The following PTPRE variants were observed in gnomAD, a reference collection of about 807,000 sequenced individuals.
PTPRE encodes protein tyrosine phosphatase receptor type E.
Under a neutral mutation model 102.0 loss-of-function variants are expected in PTPRE, and 51 were observed. That is an observed-to-expected ratio of 0.50 (90% CI 0.40 to 0.63). The LOEUF (loss-of-function observed/expected upper bound fraction) is 0.63. Ranked by LOEUF, PTPRE falls within the 30% of genes least tolerant of loss-of-function variation. The pLI is 0.00. For missense variants in PTPRE, 752 were observed against 915.1 expected (o/e 0.82, Z 2.30); for synonymous variants, 345 against 348.2 (o/e 0.99, Z 0.10).
intron 3 of PTPRE, among the ~76,000 whole-genome samples, chr10:128,043,436 G>A (rs1847870366): frequency 6.6e-6 from 1 of 152,194 alleles, no homozygotes; most frequent in Non-Finnish European, 1.5e-5. Context: ...TGATCTGACG[G>A]GGGGCGGCGC....
chr10:128,041,853 C>T (rs1360387049), intron 3 of PTPRE, among the ~76,000 whole-genome samples: 2 of 151,990 alleles, frequency 1.3e-5, no homozygotes, highest in East Asian at 3.9e-4. Flanking sequence ...AAAGTCACAT[C>T]AAGAGCCCCA....
intron 1 of PTPRE, among the ~76,000 whole-genome samples, chr10:127,923,398 A>ATTT (rs35994733): frequency 2.5e-3 from 266 of 106,800 alleles, no homozygotes; most frequent in East Asian, 8.6e-3. Context: ...ACCAGTTTGA[A>ATTT]TTTTTTTTTT....
At chr10:127,912,397 C>T (rs1845924901) in intron 1 of PTPRE, among the ~76,000 whole-genome samples, 1 of 152,042 alleles carries the variant, frequency 6.6e-6, no homozygotes. Flanking sequence ...AAATATCTTT[C>T]AAATGCAATC....
chr10:128,000,766 C>T (rs1853796650), intron 2 of PTPRE, among the ~76,000 whole-genome samples: 1 of 152,202 alleles, frequency 6.6e-6, no homozygotes. Context: ...GTGAAGGAGG[C>T]CCTACAAGCT....
rs1183228997 is a variant in PTPRE, at chr10:128,008,162, G to A, written c.-8+25866G>A. On this transcript the variant is annotated intron_variant, in intron 2 of 20. Transcript: ENST00000254667. The surrounding 1 kb of genome is among the most constrained non-coding windows in gnomAD (Gnocchi z 4.0). Reference sequence around the variant, plus strand: ...CAGGGTACATGCCCCTGGGAAAACTGCCCAAGGGAAACAGTGCATCCACCA... The same window carrying A: ...CAGGGTACATGCCCCTGGGAAAACTACCCAAGGGAAACAGTGCATCCACCA... Among the ~76,000 whole-genome samples, 3 of 152,250 alleles carry A rather than the reference G, an allele frequency of 2.0e-5. No homozygotes were observed. The highest frequency in any genetic ancestry group is 6.5e-5 in the Admixed American group (1 of 15,296).
At chr10:127,992,754 G>C (rs1265308219) in intron 2 of PTPRE, among the ~76,000 whole-genome samples, 1 of 152,192 alleles carries the variant, frequency 6.6e-6, no homozygotes, top group Non-Finnish European at 1.5e-5. Context: ...TACCTGGTTA[G>C]AATCCAAGTC....
intron 2 of PTPRE, among the ~76,000 whole-genome samples, chr10:128,027,923 C>G (rs1277138334): frequency 1.3e-5 from 2 of 152,166 alleles, no homozygotes; most frequent in Admixed American, 6.5e-5. Context: ...TACTCAGGAG[C>G]CTGTATTTTG....
chr10:127,959,175 C>T (rs1849619045), intron 1 of PTPRE, among the ~76,000 whole-genome samples: 1 of 152,240 alleles, frequency 6.6e-6, no homozygotes, highest in Non-Finnish European at 1.5e-5. Context: ...GGATTATAGG[C>T]ATGAGCCACC....
Position 127,934,693 on chromosome 10 carries a change from T to C in PTPRE, c.-31+27384T>C, listed in dbSNP as rs577065836. 4 of 152,620 alleles carry C rather than the reference T, an allele frequency of 2.6e-5. No individual in the cohort carries two copies. The East Asian group carries it at 7.7e-4, about 30-fold the overall frequency. The allele number at this position is 152,620 out of a possible 1,614,324, so 9.5% of individuals were successfully genotyped here. ...CCCCACTGGCCTGCTCTGCTGAGGT[T>C]GTGGAGCACCGGGAAGCAGGGGCCG... On this transcript the variant is annotated intron_variant, in intron 1 of 20. Transcript: ENST00000254667.
intron 2 of PTPRE, chr10:127,998,187 T>C (rs2135540319): frequency 1.3e-5 from 2 of 152,358 alleles, no homozygotes. Context: ...TTTTCAATGA[T>C]TGTTTCAGAA....
intron 2 of PTPRE, among the ~76,000 whole-genome samples, chr10:128,010,807 G>C (rs1160271845): frequency 6.6e-6 from 1 of 152,086 alleles, no homozygotes; most frequent in East Asian, 1.9e-4. Flanking sequence ...TAGCCAGGAT[G>C]GTCTTGATCT....
chr10:127,916,561 G>A (rs1846222902), intron 1 of PTPRE, among the ~76,000 whole-genome samples: 1 of 152,156 alleles, frequency 6.6e-6, no homozygotes, highest in Non-Finnish European at 1.5e-5. Context: ...TGGTTTACTG[G>A]GCCATTTCCT....
intron 2 of PTPRE, among the ~76,000 whole-genome samples, chr10:128,009,904 G>A (rs1432771673): frequency 1.3e-5 from 2 of 152,178 alleles, no homozygotes; most frequent in Non-Finnish European, 2.9e-5. Flanking sequence ...GGGGACATAT[G>A]AGTCACCGTC....
In PTPRE at chr10:128,008,333, C is replaced by T. The variant is rs968814301; in HGVS notation, c.-8+26037C>T. The stretch of plus-strand genomic sequence containing the variant: ...ATTCACACTGCACCTCTGGCCTCCT[C>T]CTGGAGCTTCTGGAAGGTGAGATAA... On this transcript the variant is annotated intron_variant, in intron 2 of 20. Coordinates refer to ENST00000254667, the MANE Select transcript of PTPRE (RefSeq NM_006504.6). The surrounding 1 kb of genome is among the most constrained non-coding windows in gnomAD (Gnocchi z 4.0). Among the ~76,000 whole-genome samples, 29 of 151,622 alleles carry T rather than the reference C, an allele frequency of 1.9e-4. No homozygotes were observed. The highest frequency in any genetic ancestry group is 6.8e-4 in the African/African-American group (28 of 41,416).
At chr10:127,960,945 C>T (rs536379587) in intron 1 of PTPRE, among the ~76,000 whole-genome samples, 5 of 150,858 alleles carry the variant, frequency 3.3e-5, no homozygotes, top group East Asian at 2.0e-4. Context: ...GGCGTGAACC[C>T]GGGAGGCAGA....
chr10:128,074,779 T>C (rs1851087448), intron 17 of PTPRE, among the ~76,000 whole-genome samples: 1 of 152,218 alleles, frequency 6.6e-6, no homozygotes. Context: ...GCGGAATTGC[T>C]AGGTCACGTC....
At chr10:127,942,113 G>A (rs1301493990) in intron 1 of PTPRE, among the ~76,000 whole-genome samples, 1 of 152,182 alleles carries the variant, frequency 6.6e-6, no homozygotes, top group Non-Finnish European at 1.5e-5. Flanking sequence ...AGCATTTCGA[G>A]TGTCACTTGC....
intron 7 of PTPRE, among the ~76,000 whole-genome samples, chr10:128,057,470 C>T (rs1849090681): frequency 6.6e-6 from 1 of 152,130 alleles, no homozygotes; most frequent in African/African-American, 2.4e-5. Flanking sequence ...GAATGCTGCT[C>T]CCTGCTGCAT....
chr10:127,966,339 G>A (rs1157489558), intron 1 of PTPRE, among the ~76,000 whole-genome samples: 1 of 152,180 alleles, frequency 6.6e-6, no homozygotes, highest in African/African-American at 2.4e-5. Flanking sequence ...TGGGTCAATA[G>A]GCTGAAGGAA....
Sources: allele counts gnomAD v4.1 joint callset (sites outside exome capture counted in the v4.1 genomes callset), GRCh38; gene constraint gnomAD v4.1.1; non-coding constraint Gnocchi (gnomAD v3.1); transcripts MANE v1.5; gene names NCBI Gene and HGNC (gene_info 2026-07-23, HGNC 2026-07-21).